Variants in PODXL2 observed in about 807,000 individuals in gnomAD.
PODXL2 encodes the protein podocalyxin-like protein 2.
PODXL2 carries 17 observed loss-of-function variants against 53.4 expected under a neutral mutation model. The ratio of observed to expected loss-of-function variants is 0.32; its 90% CI spans 0.22 to 0.48. The LOEUF is 0.48. PODXL2 is among the 20% of genes least tolerant of loss of function. The pLI is 0.99. For synonymous variants in PODXL2, 311 were observed against 306.7 expected (o/e 1.01, Z -0.15); for missense variants, 673 against 760.0 (o/e 0.89, Z 1.35).
At chr3:127,657,700 A>G (rs2074733990) in intron 2 of PODXL2, among the ~76,000 whole-genome samples, 2 of 152,214 alleles carry the variant, frequency 1.3e-5, no homozygotes. Flanking sequence ...AAGTGATTTC[A>G]TATATTGTAT....
At position 127,630,755 on chromosome 3, in the gene PODXL2, A is replaced by G. The variant is rs957448091; in HGVS notation, c.70+1466A>G. Among the ~76,000 whole-genome samples, 4 of 152,310 alleles carry G rather than the reference A, an allele frequency of 2.6e-5. No homozygotes were observed. The South Asian group carries it at 8.3e-4, about 32-fold the overall frequency. On this transcript the variant is annotated intron_variant, in intron 1 of 7. Coordinates refer to ENST00000342480, the MANE Select transcript of PODXL2 (RefSeq NM_015720.4). The stretch of plus-strand genomic sequence containing the variant: ...GGCCCTAGGTGGTGTGCACAGAAAA[A>G]CATGTCCATCAGTGTTGGCTCAGAC...
At chr3:127,650,156 C>A (rs2074679594) in intron 2 of PODXL2, among the ~76,000 whole-genome samples, 1 of 152,134 alleles carries the variant, frequency 6.6e-6, no homozygotes, top group African/African-American at 2.4e-5. Context: ...TGTTTTAATT[C>A]TGTCTCTTGA....
chr3:127,633,275 A>G (rs1042619343), intron 1 of PODXL2, among the ~76,000 whole-genome samples: 1 of 152,154 alleles, frequency 6.6e-6, no homozygotes, highest in Non-Finnish European at 1.5e-5. Flanking sequence ...CTCTTCCTTC[A>G]CGTATCCTTT....
chr3:127,631,979 G>T (rs1354947137), intron 1 of PODXL2, among the ~76,000 whole-genome samples: 1 of 152,222 alleles, frequency 6.6e-6, no homozygotes, highest in Non-Finnish European at 1.5e-5. Context: ...GACAAAGAAG[G>T]AAAGGGAGAG....
At chr3:127,633,794 G>C (rs1433032609) in intron 1 of PODXL2, among the ~76,000 whole-genome samples, 1 of 151,986 alleles carries the variant, frequency 6.6e-6, no homozygotes, top group Non-Finnish European at 1.5e-5. Context: ...GTGATAGAGA[G>C]GAGTGGTGTC....
In PODXL2 at chr3:127,643,650, T is replaced by C. The variant is rs796092990; in HGVS notation, c.349+4127T>C. Among the ~76,000 whole-genome samples, 35 of 152,240 alleles carry C rather than the reference T, an allele frequency of 2.3e-4. No homozygotes were observed. The South Asian group carries it at 7.3e-3, about 32-fold the overall frequency. The stretch of plus-strand genomic sequence containing the variant: ...AATTCTTTTTTTAAAATTATTTTTA[T>C]TTTTTGGACACAGGGTCTCGCTTTG... On this transcript the variant is annotated intron_variant, in intron 2 of 7. Coordinates refer to ENST00000342480, the MANE Select transcript of PODXL2 (RefSeq NM_015720.4).
chr3:127,668,713 A>G (rs1301587255), intron 5 of PODXL2, 116 bp downstream of exon 5: 2 of 1,036,934 alleles, frequency 1.9e-6, no homozygotes, highest in East Asian at 3.0e-5. Flanking sequence ...ACTCCAGGAC[A>G]GTAGTTTGAG....
At chr3:127,638,094 A>T (rs575617128) in intron 1 of PODXL2, among the ~76,000 whole-genome samples, 1 of 152,320 alleles carries the variant, frequency 6.6e-6, no homozygotes, top group South Asian at 2.1e-4. Flanking sequence ...CATTTCATTT[A>T]GCTTCCTTGT....
In PODXL2 at chr3:127,671,543, GCAT is replaced by G. The variant is rs746116578; in HGVS notation, c.1545_1547del (p.Ile516del). The G allele has an allele frequency of 3.5e-5, 57 of 1,614,042 alleles. No individual in the cohort carries two copies. Among genetic ancestry groups the G allele is most frequent in the Non-Finnish European group, 4.7e-5 (55 of 1,180,014 alleles). On this transcript the variant is annotated inframe_deletion, in exon 7 of 8. Coordinates refer to ENST00000342480, the MANE Select transcript of PODXL2 (RefSeq NM_015720.4). ...GTGCTGGTGGTCATTGGGGCCATCT[GCAT>G]CATCATCATTGCGCTTGGCCTGCTC...
chr3:127,669,031 G>A, intron 5 of PODXL2, 110 bp from the exon 6 acceptor site: 2 of 662,882 alleles, frequency 3.0e-6, no homozygotes, highest in South Asian at 1.9e-5. Flanking sequence ...ATTTGAGCCA[G>A]GAAGGGAGAC....
At position 127,672,790 on chromosome 3, in the gene PODXL2, G is replaced by A. The variant is rs1223254421; in HGVS notation, c.*310G>A. The A allele has an allele frequency of 1.2e-5, 4 of 331,178 alleles. No homozygotes were observed. The highest frequency in any genetic ancestry group is 5.6e-5 in the East Asian group (1 of 17,974). The allele number at this position is 331,178 out of a possible 1,614,324, so 20.5% of individuals were successfully genotyped here. ...TCAATTAAACCCGCCCGGAGACCAC[G>A]CCGGGCCCAGCGCGTCTGCCTTCTT... On this transcript the variant is annotated 3_prime_UTR_variant, in exon 8 of 8. Coordinates refer to ENST00000342480, the MANE Select transcript of PODXL2 (RefSeq NM_015720.4).
At chr3:127,662,689 T>G (rs1576434401) in intron 4 of PODXL2, among the ~76,000 whole-genome samples, 1 of 152,196 alleles carries the variant, frequency 6.6e-6, no homozygotes, top group East Asian at 1.9e-4. Context: ...TCCACACATG[T>G]CTGGTGGAGT....
intron 1 of PODXL2, among the ~76,000 whole-genome samples, chr3:127,633,108 T>C (rs1187087247): frequency 6.6e-6 from 1 of 152,226 alleles, no homozygotes; most frequent in African/African-American, 2.4e-5. Flanking sequence ...ACTTTACTAA[T>C]TTGGTCTTTT....
rs2074859267 is a variant in PODXL2, at chr3:127,672,568, C to T, written c.*88C>T. 1.1e-6 allele frequency: 1 copy of T among 886,132 alleles called. No homozygotes were observed. The highest frequency in any genetic ancestry group is 1.6e-6 in the Non-Finnish European group (1 of 630,338). The allele number at this position is 886,132 out of a possible 1,614,324, so 54.9% of individuals were successfully genotyped here. A position where few individuals can be genotyped will look rare whatever the true frequency, so the allele number is the denominator to read the frequency against. On this transcript the variant is annotated 3_prime_UTR_variant, in exon 8 of 8. Coordinates refer to ENST00000342480, the MANE Select transcript of PODXL2 (RefSeq NM_015720.4). ...CGGCCCGGAGCCCGCACCAGCCCCG[C>T]GCCTACCCGGGCCGCCCCCGCGGCC...
chr3:127,664,009 CAT>C (rs527651405), intron 4 of PODXL2, among the ~76,000 whole-genome samples: 74 of 152,172 alleles, frequency 4.9e-4, no homozygotes, highest in South Asian at 1.0e-3. Flanking sequence ...TAGTAAAAAA[CAT>C]AAAATTTTCC....
At chr3:127,650,389 G>A (rs542153390) in intron 2 of PODXL2, among the ~76,000 whole-genome samples, 1 of 152,120 alleles carries the variant, frequency 6.6e-6, no homozygotes, top group Non-Finnish European at 1.5e-5. Flanking sequence ...AAGGCCTAGG[G>A]GACCCAGGCC....
intron 2 of PODXL2, among the ~76,000 whole-genome samples, chr3:127,645,606 A>G (rs1354894307): frequency 1.3e-5 from 2 of 152,054 alleles, no homozygotes; most frequent in Non-Finnish European, 2.9e-5. Context: ...ACCTTTTTCT[A>G]ATTCATTTGC....
chr3:127,638,919 C>T (rs2074595873), intron 1 of PODXL2, among the ~76,000 whole-genome samples: 1 of 152,132 alleles, frequency 6.6e-6, no homozygotes, highest in Non-Finnish European at 1.5e-5. Context: ...ACACCCAGTA[C>T]AATTGCCAAC....
chr3:127,664,040 A>G (rs932798797), intron 4 of PODXL2, among the ~76,000 whole-genome samples: 3 of 152,184 alleles, frequency 2.0e-5, no homozygotes, highest in African/African-American at 7.2e-5. Flanking sequence ...CTTTGTAAAT[A>G]TAAGTTCAGT....
Sources: gnomAD v4.1 joint callset for allele counts (sites outside exome capture counted in the v4.1 genomes callset) on GRCh38, gnomAD v4.1.1 for gene constraint, MANE v1.5 for transcripts, NCBI Gene and HGNC (gene_info 2026-07-23, HGNC 2026-07-21) for gene names.